SPON1: variants seen among roughly 807,000 people sequenced by gnomAD.
SPON1 encodes spondin 1.
SPON1 carries 52 observed loss-of-function variants against 111.7 expected under a neutral mutation model. That is an observed-to-expected ratio of 0.47 (90% CI 0.37 to 0.59). The LOEUF (loss-of-function observed/expected upper bound fraction) is 0.59, where lower values mean the gene tolerates loss of function less well. Among genes scored for constraint, SPON1 ranks in the 20% least tolerant of loss-of-function variants. SPON1 has a pLI of 0.00. For missense variants in SPON1, 957 were observed against 1,068.5 expected (o/e 0.90, Z 1.46); for synonymous variants, 410 against 395.8 (o/e 1.04, Z -0.43).
chr11:14,177,633 G>A (rs1302392320), intron 6 of SPON1, among the ~76,000 whole-genome samples: 1 of 152,174 alleles, frequency 6.6e-6, no homozygotes, highest in Admixed American at 6.5e-5. Flanking sequence ...TAATCTTGTG[G>A]CTAATGTTAG....
chr11:14,248,976 G>A (rs997975669), intron 7 of SPON1, among the ~76,000 whole-genome samples: 7 of 152,176 alleles, frequency 4.6e-5, no homozygotes, highest in African/African-American at 2.4e-5. Context: ...TAGTTCCTCC[G>A]GTGCCTAAGT....
chr11:14,051,462 G>A (rs1564894073), intron 3 of SPON1, among the ~76,000 whole-genome samples: 1 of 152,018 alleles, frequency 6.6e-6, no homozygotes, highest in African/African-American at 2.4e-5. Flanking sequence ...CTGGAGCCCA[G>A]GAGATTGAGG....
chr11:14,169,849 G>A (rs1173899483), intron 6 of SPON1, among the ~76,000 whole-genome samples: 18 of 152,150 alleles, frequency 1.2e-4, no homozygotes, highest in Middle Eastern at 3.4e-3. Context: ...TGTTCCATTG[G>A]TCTATATCTC....
At chr11:14,263,717 G>A (rs1375039988) in intron 15 of SPON1, among the ~76,000 whole-genome samples, 2 of 152,158 alleles carry the variant, frequency 1.3e-5, no homozygotes, top group Admixed American at 1.3e-4. Context: ...AAAATCTAGA[G>A]GAGTTTGCCA....
chr11:13,996,236 C>G (rs1848271493), intron 2 of SPON1, among the ~76,000 whole-genome samples: 1 of 152,128 alleles, frequency 6.6e-6, no homozygotes, highest in Non-Finnish European at 1.5e-5. Flanking sequence ...CCTTGAGGAG[C>G]TCACTTGGTG....
At chr11:14,263,150 T>C in intron 15 of SPON1, 175 bp downstream of exon 15, 2 of 657,076 alleles carry the variant, frequency 3.0e-6, no homozygotes, top group East Asian at 2.8e-5. Flanking sequence ...TTCCCAAATA[T>C]TGAGCAAGCA....
chr11:14,046,819 T>C (rs1243992406), intron 3 of SPON1, among the ~76,000 whole-genome samples: 1 of 152,214 alleles, frequency 6.6e-6, no homozygotes, highest in Non-Finnish European at 1.5e-5. Flanking sequence ...TAAGATGCAT[T>C]CTCAGTCAAA....
chr11:13,971,049 G>C (rs1554908548), intron 1 of SPON1, among the ~76,000 whole-genome samples: 1 of 152,212 alleles, frequency 6.6e-6, no homozygotes, highest in East Asian at 1.9e-4. Context: ...AGCTCTCTAA[G>C]AGAGCTGGAT....
At chr11:14,206,327 G>T (rs1554936193) in intron 6 of SPON1, among the ~76,000 whole-genome samples, 1 of 152,068 alleles carries the variant, frequency 6.6e-6, no homozygotes, top group East Asian at 1.9e-4. Flanking sequence ...CCAAGAAGCT[G>T]GGACTACAGG....
chr11:14,241,985 C>A (rs1055015460), intron 6 of SPON1, among the ~76,000 whole-genome samples: 8 of 152,068 alleles, frequency 5.3e-5, no homozygotes, highest in African/African-American at 1.7e-4. Context: ...ACCGCCGCTG[C>A]CCTGTCCTTG....
chr11:14,190,277 T>A (rs1458344938), intron 6 of SPON1, among the ~76,000 whole-genome samples: 3 of 152,218 alleles, frequency 2.0e-5, no homozygotes, highest in African/African-American at 7.2e-5. Context: ...GCTGCCAGGT[T>A]ATGGCCATTT....
intron 2 of SPON1, among the ~76,000 whole-genome samples, chr11:14,001,741 C>T (rs1163420963): frequency 4.0e-5 from 6 of 151,762 alleles, no homozygotes; most frequent in Non-Finnish European, 8.8e-5. Context: ...AAACCAAAGA[C>T]AAAAATGAGA....
intron 6 of SPON1, among the ~76,000 whole-genome samples, chr11:14,173,939 G>A (rs989844326): frequency 6.6e-6 from 1 of 152,180 alleles, no homozygotes; most frequent in Non-Finnish European, 1.5e-5. Context: ...GGGTGTCAGG[G>A]ACCCACTTGA....
At chr11:14,175,245 A>G (rs1479503038) in intron 6 of SPON1, among the ~76,000 whole-genome samples, 1 of 152,202 alleles carries the variant, frequency 6.6e-6, no homozygotes, top group Non-Finnish European at 1.5e-5. Flanking sequence ...CAAGGCTTTA[A>G]CTGCTCACAA....
chr11:14,014,420 A>T (rs1463032531), intron 2 of SPON1, among the ~76,000 whole-genome samples: 2 of 152,228 alleles, frequency 1.3e-5, no homozygotes, highest in Non-Finnish European at 2.9e-5. Flanking sequence ...CCTTTTCCAG[A>T]TAAACTGTTA....
At chr11:14,233,758 C>CTTTTTTTTTTT (rs10610600) in intron 6 of SPON1, among the ~76,000 whole-genome samples, 2 of 96,850 alleles carry the variant, frequency 2.1e-5, no homozygotes, top group African/African-American at 4.1e-5. Flanking sequence ...GTTTCTTTTT[C>CTTTTTTTTTTT]TTTTTTTTTT....
chr11:14,253,869 C>T (rs548481512), intron 7 of SPON1, among the ~76,000 whole-genome samples: 2 of 152,196 alleles, frequency 1.3e-5, no homozygotes, highest in Non-Finnish European at 2.9e-5. Flanking sequence ...GTGTGCTTTG[C>T]GAATGTGACT....
chr11:14,230,207 A>C (rs1554938517), intron 6 of SPON1, among the ~76,000 whole-genome samples: 2 of 152,198 alleles, frequency 1.3e-5, no homozygotes, highest in Non-Finnish European at 2.9e-5. Flanking sequence ...AATGTGCTGA[A>C]CACCTTAAAG....
chr11:14,067,296 A>G (rs1848840349), intron 3 of SPON1, among the ~76,000 whole-genome samples: 1 of 152,146 alleles, frequency 6.6e-6, no homozygotes. Flanking sequence ...CCCTCCCTAT[A>G]TCCCACCATG....
Sources: allele counts gnomAD v4.1 joint callset (sites outside exome capture counted in the v4.1 genomes callset), GRCh38; gene constraint gnomAD v4.1.1; transcripts MANE v1.5; gene names NCBI Gene and HGNC (gene_info 2026-07-23, HGNC 2026-07-21).